EIF4G3: variants seen among roughly 807,000 people sequenced by gnomAD.
EIF4G3 encodes eIF-4-gamma 3.
A neutral mutation model predicts 186.4 loss-of-function variants in EIF4G3; 34 were observed. The observed-to-expected ratio is 0.18, with a 90% CI of 0.14 to 0.24. The LOEUF (loss-of-function observed/expected upper bound fraction) is 0.24. Ranked by LOEUF, EIF4G3 falls within the 10% of genes least tolerant of loss-of-function variation. The pLI, the probability that EIF4G3 is intolerant of heterozygous loss-of-function variation, is 1.00. For synonymous variants in EIF4G3, 673 were observed against 679.5 expected (o/e 0.99, Z 0.15); for missense variants, 1,536 against 1,948.5 (o/e 0.79, Z 3.99).
intron 4 of EIF4G3, among the ~76,000 whole-genome samples, chr1:21,015,398 T>TA (rs886413204): frequency 3.3e-5 from 5 of 151,820 alleles, no homozygotes; most frequent in Admixed American, 1.3e-4. Flanking sequence ...AAGACATGGA[T>TA]ATATGATAGC....
At chr1:21,007,525 A>AAAAAAAAAAAC (rs2085497292) in intron 4 of EIF4G3, among the ~76,000 whole-genome samples, 1 of 139,570 alleles carries the variant, frequency 7.2e-6, no homozygotes, top group Non-Finnish European at 1.5e-5. Context: ...TAAAAAAAAA[A>AAAAAAAAAAAC]AAAAAAAAAA....
At chr1:21,030,905 G>A (rs1428587283) in intron 4 of EIF4G3, among the ~76,000 whole-genome samples, 1 of 152,194 alleles carries the variant, frequency 6.6e-6, no homozygotes, top group Non-Finnish European at 1.5e-5. Flanking sequence ...AAAAGGATCA[G>A]CCGGGTGTGG....
At chr1:21,039,438 C>T (rs529849272) in intron 4 of EIF4G3, among the ~76,000 whole-genome samples, 2 of 152,206 alleles carry the variant, frequency 1.3e-5, no homozygotes, top group East Asian at 3.9e-4. Flanking sequence ...TCAAATTTGG[C>T]AATGTTTTCT....
chr1:21,129,669 T>TC (rs1473040749), intron 2 of EIF4G3, among the ~76,000 whole-genome samples: 3 of 151,802 alleles, frequency 2.0e-5, no homozygotes, highest in African/African-American at 7.3e-5. Flanking sequence ...AACCCTTTTC[T>TC]CCCCCAGGAC....
chr1:20,986,814 A>C (rs1370816622), intron 7 of EIF4G3, among the ~76,000 whole-genome samples: 1 of 151,738 alleles, frequency 6.6e-6, no homozygotes, highest in African/African-American at 2.4e-5. Context: ...AACTGATAAA[A>C]ATGCTGCAAA....
At chr1:20,968,838 T>G (rs541060349) in intron 12 of EIF4G3, among the ~76,000 whole-genome samples, 1 of 152,338 alleles carries the variant, frequency 6.6e-6, no homozygotes, top group Admixed American at 6.5e-5. Flanking sequence ...ACTGTTTATA[T>G]GCAAATACTA....
intron 12 of EIF4G3, among the ~76,000 whole-genome samples, chr1:20,958,873 A>G (rs1183729421): frequency 6.6e-6 from 1 of 152,208 alleles, no homozygotes; most frequent in Non-Finnish European, 1.5e-5. Flanking sequence ...AAGGAGAAAT[A>G]CAAAACGCTG....
chr1:21,117,602 A>C (rs1454587878), intron 2 of EIF4G3, among the ~76,000 whole-genome samples: 2 of 151,894 alleles, frequency 1.3e-5, no homozygotes, highest in Non-Finnish European at 1.5e-5. Flanking sequence ...AATAAGACTG[A>C]GGGAGGTAAG....
intron 14 of EIF4G3, chr1:20,929,299 GAGGC>G (rs1365893837): frequency 6.6e-6 from 1 of 152,064 alleles, no homozygotes; most frequent in Non-Finnish European, 1.5e-5. Flanking sequence ...CTGTTCTAAG[GAGGC>G]CTTCTCCTTT....
At chr1:20,892,693 G>A in intron 18 of EIF4G3, 1 of 1,536,098 alleles carries the variant, frequency 6.5e-7, no homozygotes, top group Non-Finnish European at 8.7e-7. Context: ...CTCTGTTCCA[G>A]AATTGGCAAT....
chr1:20,923,672 G>A (rs2094647361), intron 14 of EIF4G3, among the ~76,000 whole-genome samples: 1 of 151,920 alleles, frequency 6.6e-6, no homozygotes, highest in South Asian at 2.1e-4. Flanking sequence ...CTGACCATCA[G>A]TGAGTCTACA....
At chr1:20,982,711 C>T (rs1391125158) in intron 7 of EIF4G3, among the ~76,000 whole-genome samples, 3 of 152,164 alleles carry the variant, frequency 2.0e-5, no homozygotes, top group African/African-American at 7.2e-5. Context: ...CTTGGTGGCA[C>T]AAGTACAGTT....
chr1:21,106,431 A>G (rs1006386906), intron 2 of EIF4G3, among the ~76,000 whole-genome samples: 3 of 152,184 alleles, frequency 2.0e-5, no homozygotes, highest in South Asian at 2.1e-4. Context: ...TAGCTATTGC[A>G]TAAGAGGCAT....
At chr1:21,156,020 G>T (rs918937016) in intron 2 of EIF4G3, among the ~76,000 whole-genome samples, 1 of 151,852 alleles carries the variant, frequency 6.6e-6, no homozygotes, top group Admixed American at 6.6e-5. Context: ...CCAGCTACTC[G>T]GGAGGCTGAG....
chr1:21,113,657 C>G (rs1220806157), intron 2 of EIF4G3, among the ~76,000 whole-genome samples: 2 of 152,034 alleles, frequency 1.3e-5, no homozygotes, highest in Non-Finnish European at 1.5e-5. Flanking sequence ...TCATTGGTCA[C>G]CTGGAAAATA....
intron 10 of EIF4G3, among the ~76,000 whole-genome samples, chr1:20,979,037 A>G (rs1458222223): frequency 2.0e-5 from 3 of 152,168 alleles, no homozygotes; most frequent in African/African-American, 7.2e-5. Context: ...ATTATTTAAT[A>G]AGTTTTTGCT....
At chr1:21,112,913 G>A (rs2096751286) in intron 2 of EIF4G3, among the ~76,000 whole-genome samples, 1 of 151,922 alleles carries the variant, frequency 6.6e-6, no homozygotes, top group South Asian at 2.1e-4. Flanking sequence ...AAAAAGTTTT[G>A]AAAAATCAAA....
At chr1:20,863,022 C>T (rs536779451) in intron 22 of EIF4G3, among the ~76,000 whole-genome samples, 2 of 152,202 alleles carry the variant, frequency 1.3e-5, no homozygotes, top group Admixed American at 1.3e-4. Context: ...CTGCTGAGCT[C>T]AAACAATCCT....
chr1:20,891,188 T>C (rs191829150), intron 18 of EIF4G3, among the ~76,000 whole-genome samples: 11 of 152,328 alleles, frequency 7.2e-5, no homozygotes, highest in Middle Eastern at 3.4e-3. Flanking sequence ...CATTGCTTAT[T>C]CTAAACTCAC....
Sources: gnomAD v4.1 joint callset for allele counts (sites outside exome capture counted in the v4.1 genomes callset) on GRCh38, gnomAD v4.1.1 for gene constraint, MANE v1.5 for transcripts, NCBI Gene and HGNC (gene_info 2026-07-23, HGNC 2026-07-21) for gene names.